Variants in NPFFR2 observed in about 807,000 individuals in gnomAD.
NPFFR2 encodes neuropeptide FF receptor 2.
A neutral mutation model predicts 13.1 loss-of-function variants in NPFFR2; 15 were observed. The ratio of observed to expected loss-of-function variants is 1.15; its 90% CI spans 0.77 to 1.76. NPFFR2 has a LOEUF of 1.76. NPFFR2 is among the 40% of genes most tolerant of loss of function. NPFFR2 has a pLI of 0.00. For synonymous variants in NPFFR2, 190 were observed against 175.7 expected (o/e 1.08, Z -0.65); for missense variants, 572 against 503.5 (o/e 1.14, Z -1.30).
At chr4:72,070,575 G>GTGTGTGTGCGT (rs1291179971) in intron 1 of NPFFR2, among the ~76,000 whole-genome samples, 1 of 136,420 alleles carries the variant, frequency 7.3e-6, no homozygotes, top group Non-Finnish European at 1.5e-5. Flanking sequence ...GGGGGGGGTG[G>GTGTGTGTGCGT]GGCTCTGGTG....
chr4:72,131,365 A>T (rs761178121), intron 2 of NPFFR2, among the ~76,000 whole-genome samples: 1 of 147,324 alleles, frequency 6.8e-6, no homozygotes, highest in Non-Finnish European at 1.5e-5. Flanking sequence ...TGTACACCGC[A>T]TATTCTCACT....
intron 3 of NPFFR2, among the ~76,000 whole-genome samples, chr4:72,142,051 C>T (rs1289747786): frequency 2.0e-5 from 3 of 152,036 alleles, no homozygotes; most frequent in South Asian, 2.1e-4. Flanking sequence ...GTCAGTTTAA[C>T]GTCTGTTTTA....
intron 1 of NPFFR2, among the ~76,000 whole-genome samples, chr4:72,094,932 T>G (rs1000512851): frequency 3.3e-5 from 5 of 152,194 alleles, no homozygotes; most frequent in Non-Finnish European, 7.3e-5. Context: ...GAGCTGCAAG[T>G]TAGTCCTGCC....
At chr4:72,034,703 CT>C (rs1371659434) in intron 1 of NPFFR2, among the ~76,000 whole-genome samples, 3 of 152,134 alleles carry the variant, frequency 2.0e-5, no homozygotes. Flanking sequence ...CTCTGTTTCC[CT>C]TTGATTTTAA....
intron 1 of NPFFR2, among the ~76,000 whole-genome samples, chr4:72,058,768 A>G (rs1719835623): frequency 6.6e-6 from 1 of 151,990 alleles, no homozygotes; most frequent in African/African-American, 2.4e-5. Flanking sequence ...CTTTTTCAGT[A>G]TCATGTCTGT....
chr4:72,072,681 A>G (rs1287737732), intron 1 of NPFFR2, among the ~76,000 whole-genome samples: 1 of 152,190 alleles, frequency 6.6e-6, no homozygotes, highest in East Asian at 1.9e-4. Flanking sequence ...AAACTTTTCA[A>G]ATATAATGAA....
Position 72,147,922 on chromosome 4 carries a change from T to C in NPFFR2, c.*110T>C. 1 of 841,170 alleles carries C rather than the reference T, an allele frequency of 1.2e-6. No individual in the cohort carries two copies. The highest frequency in any genetic ancestry group is 2.4e-5 in the South Asian group (1 of 42,124). The allele number at this position is 841,170 out of a possible 1,614,324, so 52.1% of individuals were successfully genotyped here. Reference sequence around the variant, plus strand: ...TCAAAGAATGTTCTAAATAAAACATTTACTGAAAGCCCTCTCTGGCAAAAA... The same window carrying C: ...TCAAAGAATGTTCTAAATAAAACATCTACTGAAAGCCCTCTCTGGCAAAAA... On this transcript the variant is annotated 3_prime_UTR_variant, in exon 4 of 4. Transcript: ENST00000308744.
chr4:72,084,830 G>C (rs887605291), intron 1 of NPFFR2, among the ~76,000 whole-genome samples: 4 of 152,064 alleles, frequency 2.6e-5, no homozygotes, highest in Non-Finnish European at 4.4e-5. Context: ...TTTACTCAGA[G>C]AGCTCTTTTC....
At chr4:72,116,096 G>A (rs11733404) in intron 1 of NPFFR2, among the ~76,000 whole-genome samples, 51,721 of 151,918 alleles carry the variant, frequency 0.34, 9,007 homozygotes, top group Admixed American at 0.37. Context: ...TTTTTCCACT[G>A]CATATGTTTA....
rs147754873 is a variant in NPFFR2, at chr4:72,128,591, C to G, written c.-1C>G. The G allele has an allele frequency of 6.3e-7, 1 of 1,591,226 alleles. No homozygotes were observed. The highest frequency in any genetic ancestry group is 8.6e-7 in the Non-Finnish European group (1 of 1,164,908). On this transcript the variant is annotated 5_prime_UTR_variant, in exon 2 of 4. In the 5' UTR this introduces an upstream ATG that the reference lacks. Transcript: ENST00000308744. Reference sequence around the variant, plus strand: ...CTGTCTCTTCTTTATTAAGGTTCATCATGAATGAGAAATGGGACACAAACT... The same window carrying G: ...CTGTCTCTTCTTTATTAAGGTTCATGATGAATGAGAAATGGGACACAAACT...
chr4:72,121,370 G>A (rs1430967232), intron 1 of NPFFR2, among the ~76,000 whole-genome samples: 2 of 152,098 alleles, frequency 1.3e-5, no homozygotes. Context: ...AGCAAGAAAG[G>A]CTGACATTCA....
chr4:72,137,317 A>G (rs1722448978), intron 2 of NPFFR2, among the ~76,000 whole-genome samples: 1 of 152,204 alleles, frequency 6.6e-6, no homozygotes, highest in Non-Finnish European at 1.5e-5. Flanking sequence ...ATTTGCTAGG[A>G]GAAGAATATT....
At chr4:72,091,080 A>G (rs1017328627) in intron 1 of NPFFR2, among the ~76,000 whole-genome samples, 1 of 152,058 alleles carries the variant, frequency 6.6e-6, no homozygotes. Context: ...TTCTGCATCT[A>G]TTGAGATGAT....
chr4:72,079,611 A>G (rs1433485686), intron 1 of NPFFR2, among the ~76,000 whole-genome samples: 1 of 152,218 alleles, frequency 6.6e-6, no homozygotes, highest in Non-Finnish European at 1.5e-5. Flanking sequence ...TAAAATTCAT[A>G]GATCAGACCT....
intron 1 of NPFFR2, among the ~76,000 whole-genome samples, chr4:72,041,537 T>G (rs1053647155): frequency 6.6e-6 from 1 of 152,230 alleles, no homozygotes; most frequent in Non-Finnish European, 1.5e-5. Flanking sequence ...CTGGTTTGAA[T>G]GGTAGTTCTA....
intron 1 of NPFFR2, among the ~76,000 whole-genome samples, chr4:72,087,102 T>A (rs1319167201): frequency 6.6e-6 from 1 of 152,030 alleles, no homozygotes; most frequent in African/African-American, 2.4e-5. Flanking sequence ...AGAGACCATT[T>A]TGCGCTAAGC....
intron 1 of NPFFR2, among the ~76,000 whole-genome samples, chr4:72,092,568 T>C (rs779736784): frequency 2.0e-5 from 3 of 152,158 alleles, no homozygotes; most frequent in Non-Finnish European, 2.9e-5. Context: ...CCTGTTAGAC[T>C]AGTCCTCTTA....
At chr4:72,141,012 A>T (rs1256743892) in intron 3 of NPFFR2, among the ~76,000 whole-genome samples, 2 of 151,954 alleles carry the variant, frequency 1.3e-5, no homozygotes, top group African/African-American at 4.8e-5. Flanking sequence ...CCAGGAATTT[A>T]TCCATTTCTT....
intron 1 of NPFFR2, among the ~76,000 whole-genome samples, chr4:72,111,583 C>G (rs1385960421): frequency 6.6e-6 from 1 of 151,976 alleles, no homozygotes; most frequent in Non-Finnish European, 1.5e-5. Flanking sequence ...TTCCCTTAAT[C>G]AGGGCAATAA....
Sources: gnomAD v4.1 joint callset for allele counts (sites outside exome capture counted in the v4.1 genomes callset) on GRCh38, gnomAD v4.1.1 for gene constraint, MANE v1.5 for transcripts, NCBI Gene and HGNC (gene_info 2026-07-23, HGNC 2026-07-21) for gene names.